The following SEC14L3 variants were observed in gnomAD, a reference collection of about 807,000 sequenced individuals.
SEC14L3 encodes SEC14-like protein 3.
In SEC14L3, 56 loss-of-function variants were observed where a neutral mutation model predicts 57.4. The observed-to-expected ratio is 0.97, with a 90% CI of 0.79 to 1.22. The LOEUF is 1.22. SEC14L3 is among the 50% of genes most tolerant of loss of function. The probability of loss-of-function intolerance (pLI) is 0.00; values close to 1 mark genes in which losing one functional copy is unlikely to be tolerated. For synonymous variants in SEC14L3, 173 were observed against 194.4 expected, an observed-to-expected ratio of 0.89 and a Z score of 0.92; for missense variants, 485 against 511.7, an observed-to-expected ratio of 0.95 and a Z score of 0.50.
At position 30,470,267 on chromosome 22, in the gene SEC14L3, CAGAA is replaced by C. The variant is rs773043700; in HGVS notation, c.131-16_131-13del. The C allele has an allele frequency of 4.3e-6, 7 of 1,612,238 alleles. No individual in the cohort carries two copies. The highest frequency in any genetic ancestry group is 5.9e-6 in the Non-Finnish European group (7 of 1,179,282). On this transcript the variant is annotated splice_polypyrimidine_tract_variant and intron_variant, in intron 2 of 11. Transcript: ENST00000215812. Reference sequence around the variant, plus strand: ...GTCAAAATTCCGAGCTGTGGGAAAACAGAAGGAAGGTGTGAGACAGGAAAGATGC... The same window carrying C: ...GTCAAAATTCCGAGCTGTGGGAAAACGGAAGGTGTGAGACAGGAAAGATGC...
intron 12 of SEC14L3, among the ~76,000 whole-genome samples, chr22:30,450,290 G>C (rs570925003): frequency 6.6e-6 from 1 of 152,004 alleles, no homozygotes; most frequent in Admixed American, 6.6e-5. Flanking sequence ...GCGATCCTTT[G>C]AGCCTGGCTG....
intron 6 of SEC14L3, 29 bp downstream of exon 6, chr22:30,466,953 C>T (rs749936860): frequency 1.8e-5 from 28 of 1,592,616 alleles, no homozygotes; most frequent in South Asian, 1.0e-4. Context: ...TCAAAGCAAG[C>T]GGGGGGTGGC....
chr22:30,460,198 C>T (rs1248328581), intron 11 of SEC14L3, 56 bp from the exon 12 acceptor site: 32 of 1,590,076 alleles, frequency 2.0e-5, no homozygotes, highest in Non-Finnish European at 8.6e-7. Context: ...CTCTTTTTTC[C>T]ACCCCTGGCC....
At chr22:30,471,022 C>T (rs779596968) in intron 1 of SEC14L3, 12 of 308,158 alleles carry the variant, frequency 3.9e-5, no homozygotes, top group East Asian at 1.0e-4. Flanking sequence ...TGGTGGCTCA[C>T]GCCTGTCATC....
intron 12 of SEC14L3, among the ~76,000 whole-genome samples, chr22:30,454,042 G>GCTTCC (rs1601808930): frequency 6.6e-6 from 1 of 152,074 alleles, no homozygotes; most frequent in Non-Finnish European, 1.5e-5. Flanking sequence ...CCATACCCTT[G>GCTTCC]CTTCCCCAGG....
At chr22:30,449,045 G>T in exon 13 of SEC14L3, 1 of 1,535,550 alleles carries the variant, frequency 6.5e-7, no homozygotes, top group South Asian at 1.2e-5. Flanking sequence ...CGTAGGGGGT[G>T]AGTCCTCTTA....
chr22:30,467,400 TATAAATATAAACTG>T (rs1347663317), intron 5 of SEC14L3, among the ~76,000 whole-genome samples: 15 of 152,106 alleles, frequency 9.9e-5, no homozygotes, highest in East Asian at 3.9e-4. Flanking sequence ...TTTTCCATAA[TATAAATATAAACTG>T]ATAAATATAA....
At chr22:30,465,923 A>C (rs927428478) in intron 7 of SEC14L3, among the ~76,000 whole-genome samples, 1 of 152,264 alleles carries the variant, frequency 6.6e-6, no homozygotes, top group Non-Finnish European at 1.5e-5. Flanking sequence ...GGGCTACAAC[A>C]AAAGTGGAGA....
At chr22:30,448,845 T>A (rs971551203) in exon 13 of SEC14L3, 1 of 463,156 alleles carries the variant, frequency 2.2e-6, no homozygotes, top group Non-Finnish European at 3.9e-6. Flanking sequence ...TGAGCTATGA[T>A]CGCACCACTG....
At chr22:30,462,284 AG>A in intron 8 of SEC14L3, 92 bp from the exon 9 acceptor site, 1 of 1,490,184 alleles carries the variant, frequency 6.7e-7, no homozygotes, top group Non-Finnish European at 8.9e-7. Flanking sequence ...CTGGGGGAGA[AG>A]CCCTATAGGA....
intron 8 of SEC14L3, 99 bp from the exon 9 acceptor site, chr22:30,462,291 T>TA: frequency 1.4e-6 from 2 of 1,469,504 alleles, no homozygotes; most frequent in Non-Finnish European, 1.8e-6. Context: ...AGAAGCCCTA[T>TA]AGGAGGTAGG....
chr22:30,466,534 G>A lies in SEC14L3; in HGVS notation c.520-140C>T. On this transcript the variant is annotated intron_variant, in intron 6 of 11. Coordinates refer to ENST00000215812, the MANE Select transcript of SEC14L3 (RefSeq NM_174975.5). ...GCCATCACCTCCCCTGGCCTCTGGAGGGAACCTTCTCACCTCATACTATTA... is the reference window on the plus strand; with the variant it reads ...GCCATCACCTCCCCTGGCCTCTGGAAGGAACCTTCTCACCTCATACTATTA... The A allele has an allele frequency of 4.3e-6, 4 of 939,344 alleles. No individual in the cohort carries two copies. In the South Asian group the frequency reaches 6.8e-5, roughly 16 times the overall value. The allele number at this position is 939,344 out of a possible 1,614,324, so 58.2% of individuals were successfully genotyped here. A position where few individuals can be genotyped will look rare whatever the true frequency, so the allele number is the denominator to read the frequency against.
chr22:30,460,164 G>A (rs201350521), intron 11 of SEC14L3, 22 bp from the exon 12 acceptor site: 12 of 1,612,470 alleles, frequency 7.4e-6, no homozygotes, highest in African/African-American at 5.3e-5. Context: ...ATGGAAAGAG[G>A]GGCATTGGGC....
chr22:30,459,484 A>G lies in SEC14L3; in HGVS notation c.*537T>C, dbSNP rs1183646619. On this transcript the variant is annotated 3_prime_UTR_variant, in exon 12 of 12. Coordinates refer to ENST00000215812, the MANE Select transcript of SEC14L3 (RefSeq NM_174975.5). ...GGTCTCCAGAAGAGAGTCCAACCCC[A>G]CCACACATCTGCTCCTGTCCAAGGT... The G allele has an allele frequency of 3.0e-6, 3 of 985,458 alleles. No individual in the cohort carries two copies. Among genetic ancestry groups the G allele is most frequent in the Middle Eastern group, 5.2e-4 (1 of 1,914 alleles). 61.0% of individuals were successfully genotyped at this position (985,458 alleles called of 1,614,324 possible).
rs1403021767 is a variant in SEC14L3, at chr22:30,464,887, A to G, written c.597T>C (p.Pro199=). ...ATGGCTTCATGAGGTTGTAGCCCAC[A>G]GGGAACAGTTTGGTAGCTGGAGAGA... ...MLIVKATKLF[P]VGYNLMKPFL... is the part of the protein sequence containing the mutation. Residue 199 remains proline (P), a synonymous_variant, in exon 8 of 12, where the codon CCT becomes CCC. Transcript: ENST00000215812. The G allele has an allele frequency of 6.2e-7, 1 of 1,614,046 alleles. No individual in the cohort carries two copies. The highest frequency in any genetic ancestry group is 1.7e-5 in the Admixed American group (1 of 60,028).
At chr22:30,462,700 G>A (rs1028861812) in intron 8 of SEC14L3, among the ~76,000 whole-genome samples, 7 of 151,652 alleles carry the variant, frequency 4.6e-5, no homozygotes, top group Non-Finnish European at 4.4e-5. Flanking sequence ...TGGGATTACA[G>A]GTGTAAGCCA....
At chr22:30,470,323 C>T in intron 2 of SEC14L3, 68 bp from the exon 3 acceptor site, 1 of 1,595,968 alleles carries the variant, frequency 6.3e-7, no homozygotes, top group Non-Finnish European at 8.5e-7. Flanking sequence ...CCAGTGGGAG[C>T]TATGGAGGAC....
chr22:30,457,992 G>T (rs904470370), downstream of SEC14L3, among the ~76,000 whole-genome samples: 3 of 152,200 alleles, frequency 2.0e-5, no homozygotes, highest in African/African-American at 4.8e-5. Context: ...GTGCATGTGG[G>T]AAAGTGCTTG....
intron 11 of SEC14L3, among the ~76,000 whole-genome samples, chr22:30,460,743 G>A (rs905148031): frequency 2.7e-5 from 4 of 148,714 alleles, no homozygotes; most frequent in Non-Finnish European, 3.0e-5. Context: ...CAGCAGAATC[G>A]CTTGAACCCG....
Sources: gnomAD v4.1 joint callset for allele counts (sites outside exome capture counted in the v4.1 genomes callset) on GRCh38, gnomAD v4.1.1 for gene constraint, MANE v1.5 for transcripts, NCBI Gene and HGNC (gene_info 2026-07-23, HGNC 2026-07-21) for gene names.